AGMO: variants seen among roughly 807,000 people sequenced by gnomAD.
AGMO encodes the protein glyceryl-ether monooxygenase.
In AGMO, 75 loss-of-function variants were observed where a neutral mutation model predicts 60.2. That is an observed-to-expected ratio of 1.25 (90% confidence interval 1.03 to 1.51). The LOEUF (loss-of-function observed/expected upper bound fraction) is 1.51. AGMO is among the 40% of genes most tolerant of loss of function. The pLI, the probability that AGMO is intolerant of heterozygous loss-of-function variation, is 0.00. For missense variants in AGMO, 763 were observed against 525.5 expected (o/e 1.45, Z -4.42); for synonymous variants, 261 against 177.1 (o/e 1.47, Z -3.76).
At chr7:15,394,466 G>A (rs552603964) in intron 5 of AGMO, among the ~76,000 whole-genome samples, 1 of 152,102 alleles carries the variant, frequency 6.6e-6, no homozygotes, top group African/African-American at 2.4e-5. Flanking sequence ...TGTGATCCTG[G>A]GGAAACGACT....
intron 12 of AGMO, among the ~76,000 whole-genome samples, chr7:15,203,517 T>C (rs527770422): frequency 4.5e-4 from 69 of 152,132 alleles, no homozygotes; most frequent in Admixed American, 3.0e-3. Flanking sequence ...GTTTTTTTTT[T>C]TGCTTGCTTG....
intron 3 of AGMO, among the ~76,000 whole-genome samples, chr7:15,481,950 T>C (rs1562529175): frequency 1.3e-5 from 2 of 151,972 alleles, no homozygotes; most frequent in Non-Finnish European, 2.9e-5. Flanking sequence ...AATGTAGTTG[T>C]AAATAACTTG....
chr7:15,322,649 A>AAT (rs1164961835), intron 12 of AGMO, among the ~76,000 whole-genome samples: 1 of 47,498 alleles, frequency 2.1e-5, no homozygotes, highest in African/African-American at 1.3e-4. Flanking sequence ...TAAATATATA[A>AAT]ATATATATAT....
intron 12 of AGMO, among the ~76,000 whole-genome samples, chr7:15,244,677 C>T (rs1047147533): frequency 3.3e-5 from 5 of 151,884 alleles, no homozygotes; most frequent in African/African-American, 9.7e-5. Context: ...GAGACAGAGT[C>T]GTCTCGCACT....
intron 12 of AGMO, among the ~76,000 whole-genome samples, chr7:15,248,957 C>A (rs73060403): frequency 0.069 from 10,546 of 152,170 alleles, 460 homozygotes; most frequent in African/African-American, 0.13. Context: ...AGGGAGGATA[C>A]ATAAATCGGT....
At position 15,533,793 on chromosome 7, in the gene AGMO, CTTCTG is replaced by C. The variant is rs1784422960; in HGVS notation, c.409+10974_409+10978del. On this transcript the variant is annotated intron_variant, in intron 3 of 12. Coordinates refer to ENST00000342526, the MANE Select transcript of AGMO (RefSeq NM_001004320.2). ...ACATCTGGTGTATTTTTCCGGGGCTCTTCTGTTCTGTTTGTTTAACTCACAGTATA... is the reference window on the plus strand; with the variant it reads ...ACATCTGGTGTATTTTTCCGGGGCTCTTCTGTTTGTTTAACTCACAGTATA... Among the ~76,000 whole-genome samples the C allele has an allele frequency of 9.2e-5, 14 of 152,226 alleles. No individual in the cohort carries two copies. In the South Asian group the frequency reaches 2.7e-3, roughly 29 times the overall value.
intron 3 of AGMO, among the ~76,000 whole-genome samples, chr7:15,478,165 G>A (rs933315538): frequency 3.9e-5 from 6 of 152,140 alleles, no homozygotes; most frequent in South Asian, 2.1e-4. Flanking sequence ...AGATATCGCT[G>A]AAGCCTTAAT....
At chr7:15,554,580 T>TA (rs1354760601) in intron 2 of AGMO, among the ~76,000 whole-genome samples, 1 of 152,118 alleles carries the variant, frequency 6.6e-6, no homozygotes, top group African/African-American at 2.4e-5. Context: ...AAAAGTAGCT[T>TA]ACTTCTCTAA....
intron 12 of AGMO, among the ~76,000 whole-genome samples, chr7:15,292,460 A>C (rs1321490792): frequency 6.6e-6 from 1 of 152,170 alleles, no homozygotes; most frequent in Non-Finnish European, 1.5e-5. Flanking sequence ...TTCTTACTGG[A>C]GGAACTAAAT....
chr7:15,242,896 G>T (rs1782633772), intron 12 of AGMO, among the ~76,000 whole-genome samples: 1 of 152,040 alleles, frequency 6.6e-6, no homozygotes, highest in African/African-American at 2.4e-5. Context: ...TGTATATAAT[G>T]ATGAATGCTA....
At chr7:15,529,477 C>A (rs1453128242) in intron 3 of AGMO, among the ~76,000 whole-genome samples, 1 of 138,762 alleles carries the variant, frequency 7.2e-6, no homozygotes, top group Non-Finnish European at 1.5e-5. Context: ...AGGTTCTACC[C>A]CCTAGAGATT....
At chr7:15,424,683 AAACT>A (rs1469143701) in intron 4 of AGMO, among the ~76,000 whole-genome samples, 3 of 152,180 alleles carry the variant, frequency 2.0e-5, no homozygotes, top group Non-Finnish European at 4.4e-5. Flanking sequence ...TAATGGACAT[AAACT>A]TTGTCTTATT....
In AGMO at chr7:15,317,151, T is replaced by TAA. The variant is rs374148258; in HGVS notation, c.1263+48361_1263+48362dup. Reference sequence around the variant, plus strand: ...GTGGTAACGTTGACTTTCAACTTCGTAAATTCTGTCATTTCACCCAAATCA... The same window carrying TAA: ...GTGGTAACGTTGACTTTCAACTTCGTAAAAATTCTGTCATTTCACCCAAATCA... On this transcript the variant is annotated intron_variant, in intron 12 of 12. Coordinates refer to ENST00000342526, the MANE Select transcript of AGMO (RefSeq NM_001004320.2). 6.0e-3 allele frequency among the ~76,000 whole-genome samples: 916 copies of TAA among 152,322 alleles called. 7 individuals carry two copies. Among genetic ancestry groups the TAA allele is most frequent in the African/African-American group, 0.021 (863 of 41,582 alleles).
At chr7:15,233,353 G>C (rs1782315115) in intron 12 of AGMO, among the ~76,000 whole-genome samples, 1 of 152,092 alleles carries the variant, frequency 6.6e-6, no homozygotes, top group Non-Finnish European at 1.5e-5. Context: ...TCACTTCCTG[G>C]AGTCACAGGA....
intron 12 of AGMO, among the ~76,000 whole-genome samples, chr7:15,251,161 C>A (rs1296740235): frequency 1.3e-5 from 2 of 152,134 alleles, no homozygotes; most frequent in African/African-American, 4.8e-5. Flanking sequence ...GACAGCCTTT[C>A]ACTGGTCCCA....
At chr7:15,208,196 G>A (rs899091755) in intron 12 of AGMO, among the ~76,000 whole-genome samples, 1 of 152,016 alleles carries the variant, frequency 6.6e-6, no homozygotes, top group Non-Finnish European at 1.5e-5. Context: ...GTGACTTTTT[G>A]GACTTTTTCT....
intron 5 of AGMO, among the ~76,000 whole-genome samples, chr7:15,407,922 C>G (rs12532885): frequency 0.52 from 79,371 of 151,448 alleles, 21,085 homozygotes; most frequent in Middle Eastern, 0.64. Context: ...TCTAATTTAT[C>G]TCTCCAAACA....
intron 12 of AGMO, among the ~76,000 whole-genome samples, chr7:15,326,976 G>A (rs548913578): frequency 4.1e-4 from 63 of 152,164 alleles, no homozygotes; most frequent in African/African-American, 1.4e-3. Flanking sequence ...CTAGAATTTG[G>A]CATTTTTTGT....
chr7:15,462,446 A>T (rs1782167290), intron 3 of AGMO, among the ~76,000 whole-genome samples: 1 of 152,176 alleles, frequency 6.6e-6, no homozygotes, highest in South Asian at 2.1e-4. Flanking sequence ...TGTCGTACAC[A>T]ACATTGGAAA....
Sources: gnomAD v4.1 joint callset for allele counts (sites outside exome capture counted in the v4.1 genomes callset) on GRCh38, gnomAD v4.1.1 for gene constraint, MANE v1.5 for transcripts, NCBI Gene and HGNC (gene_info 2026-07-23, HGNC 2026-07-21) for gene names.